Variants in R3HCC1L observed in about 807,000 individuals in gnomAD.
The protein encoded by R3HCC1L is coiled-coil domain-containing protein R3HCC1L.
R3HCC1L carries 51 observed loss-of-function variants against 59.9 expected under a neutral mutation model. The observed-to-expected ratio is 0.85, with a 90% CI of 0.68 to 1.07. R3HCC1L has a LOEUF of 1.07. Among genes scored for constraint, R3HCC1L ranks in the 50% least tolerant of loss-of-function variants. R3HCC1L has a pLI of 0.00. For synonymous variants in R3HCC1L, 322 were observed against 315.2 expected (o/e 1.02, Z -0.23); for missense variants, 965 against 933.0 (o/e 1.03, Z -0.45).
rs183701727 is a variant in R3HCC1L at position 98,198,225 on chromosome 10, A to G, written c.-14-9876A>G. Among the ~76,000 whole-genome samples, 426 of 152,260 alleles carry G rather than the reference A, an allele frequency of 2.8e-3. 1 individual carries two copies. The highest frequency in any genetic ancestry group is 6.8e-3 in the Middle Eastern group (2 of 294). ...TTTTTAAGAGGATGGCTAGAATTTAAAAGTGTATAATTATCTTAGTGCCCA... is the reference window on the plus strand; with the variant it reads ...TTTTTAAGAGGATGGCTAGAATTTAGAAGTGTATAATTATCTTAGTGCCCA... On this transcript the variant is annotated intron_variant, in intron 4 of 9. Coordinates refer to ENST00000298999, the MANE Select transcript of R3HCC1L (RefSeq NM_001351015.2).
At chr10:98,161,246 A>G (rs1341031645) in intron 2 of R3HCC1L, among the ~76,000 whole-genome samples, 2 of 152,126 alleles carry the variant, frequency 1.3e-5, no homozygotes, top group Non-Finnish European at 2.9e-5. Context: ...GTATCTCAAT[A>G]TAGTTTTAAT....
At chr10:98,162,058 A>G (rs951970436) in intron 2 of R3HCC1L, among the ~76,000 whole-genome samples, 1 of 152,084 alleles carries the variant, frequency 6.6e-6, no homozygotes, top group African/African-American at 2.4e-5. Context: ...GTCTTTCAGG[A>G]ATGTTTTAAA....
chr10:98,136,055 A>G (rs1004404222), intron 1 of R3HCC1L, among the ~76,000 whole-genome samples: 5 of 145,980 alleles, frequency 3.4e-5, no homozygotes, highest in Admixed American at 6.9e-5. Context: ...GGATTTCACT[A>G]TGTCGCCCAG....
chr10:98,182,319 C>A (rs140679345), intron 4 of R3HCC1L, among the ~76,000 whole-genome samples: 2 of 152,130 alleles, frequency 1.3e-5, no homozygotes, highest in Admixed American at 6.5e-5. Context: ...CGCTCTGGAC[C>A]CTGTTTGCCT....
chr10:98,208,375 A>G lies in R3HCC1L; in HGVS notation c.261A>G (p.Lys87=). The G allele has an allele frequency of 1.2e-6, 2 of 1,614,026 alleles. No homozygotes were observed. The highest frequency in any genetic ancestry group is 2.2e-5 in the East Asian group (1 of 44,878). The change falls in exon 5 of 10, where the codon AAA becomes AAG. Residue 87 remains lysine, a synonymous_variant. Coordinates refer to ENST00000298999, the MANE Select transcript of R3HCC1L (RefSeq NM_001351015.2). ...AGCATAATTGTAGAGAAGAAAAGAA[A>G]TCTTCAACAAAATTAAGAATGGACA... ...RKEHNCREEK[K]SSTKLRMDTC...
chr10:98,237,109 A>G (rs560383153), intron 9 of R3HCC1L, among the ~76,000 whole-genome samples: 1 of 152,326 alleles, frequency 6.6e-6, no homozygotes, highest in African/African-American at 2.4e-5. Context: ...AACCAGTGAC[A>G]GAGTGTGTCA....
chr10:98,147,999 A>G (rs1845820725), intron 1 of R3HCC1L, among the ~76,000 whole-genome samples: 5 of 152,256 alleles, frequency 3.3e-5, no homozygotes, highest in African/African-American at 9.6e-5. Flanking sequence ...TGCTTTGGGT[A>G]GTATTGTCAT....
chr10:98,226,600 A>G (rs1456141750), intron 5 of R3HCC1L, among the ~76,000 whole-genome samples: 1 of 152,222 alleles, frequency 6.6e-6, no homozygotes, highest in Non-Finnish European at 1.5e-5. Context: ...AATAATCAAA[A>G]GTGATTTTGA....
intron 2 of R3HCC1L, among the ~76,000 whole-genome samples, chr10:98,162,620 A>T (rs1013286077): frequency 6.6e-6 from 1 of 152,010 alleles, no homozygotes; most frequent in African/African-American, 2.4e-5. Flanking sequence ...TATCCCATGT[A>T]TTAAAACTGT....
chr10:98,188,738 T>C (rs1263821144), intron 4 of R3HCC1L, among the ~76,000 whole-genome samples: 1 of 152,116 alleles, frequency 6.6e-6, no homozygotes, highest in African/African-American at 2.4e-5. Flanking sequence ...AAGTGGGGAG[T>C]ACTAACCACA....
chr10:98,218,069 A>G (rs1854421948), intron 5 of R3HCC1L, among the ~76,000 whole-genome samples: 1 of 152,122 alleles, frequency 6.6e-6, no homozygotes, highest in African/African-American at 2.4e-5. Context: ...GTGAATGTGG[A>G]CATTGTTGTT....
intron 5 of R3HCC1L, among the ~76,000 whole-genome samples, chr10:98,224,838 A>G (rs1473551096): frequency 6.6e-6 from 1 of 152,212 alleles, no homozygotes; most frequent in Non-Finnish European, 1.5e-5. Flanking sequence ...TTGACTTTAT[A>G]GGAGGGATTG....
At chr10:98,224,872 G>T (rs1174040801) in intron 5 of R3HCC1L, among the ~76,000 whole-genome samples, 1 of 152,126 alleles carries the variant, frequency 6.6e-6, no homozygotes, top group Non-Finnish European at 1.5e-5. Flanking sequence ...GATTCTTAAG[G>T]TAAATGTTTC....
rs1468525502 is a variant in R3HCC1L at position 98,211,327 on chromosome 10, G to A, written c.1785+1428G>A. 13 of 1,531,814 alleles carry A rather than the reference G, an allele frequency of 8.5e-6. No individual in the cohort carries two copies. In the Admixed American group the frequency reaches 2.6e-4, roughly 30 times the overall value. 94.9% of individuals were successfully genotyped at this position (1,531,814 alleles called of 1,614,324 possible). On this transcript the variant is annotated intron_variant, in intron 5 of 9. Transcript: ENST00000298999. ...TTCAGGGGATTCTGATGCACATAAA[G>A]CCCGAGAACCACTGCTCAAAGGTAA...
chr10:98,218,032 C>T lies in R3HCC1L; in HGVS notation c.1785+8133C>T, dbSNP rs574765512. On this transcript the variant is annotated intron_variant, in intron 5 of 9. Coordinates refer to ENST00000298999, the MANE Select transcript of R3HCC1L (RefSeq NM_001351015.2). ...CTCTTTCCTGTTGCTCTGTCTAGGA[C>T]TTCAAGTACTACGATGAATAAGAGT... is the stretch of plus-strand genomic sequence containing the variant. Among the ~76,000 whole-genome samples the T allele has an allele frequency of 2.8e-3, 426 of 152,232 alleles. 2 individuals carry two copies. Among genetic ancestry groups the T allele is most frequent in the Non-Finnish European group, 5.0e-3 (337 of 67,998 alleles).
intron 5 of R3HCC1L, among the ~76,000 whole-genome samples, chr10:98,212,716 C>T (rs1026402075): frequency 1.3e-5 from 2 of 152,118 alleles, no homozygotes; most frequent in Non-Finnish European, 2.9e-5. Flanking sequence ...GCCCTACTGC[C>T]ATCTGTACTG....
chr10:98,187,923 T>G (rs1850401379), intron 4 of R3HCC1L, among the ~76,000 whole-genome samples: 1 of 151,894 alleles, frequency 6.6e-6, no homozygotes, highest in Admixed American at 6.6e-5. Flanking sequence ...AATTTTTTTT[T>G]GTACATATAG....
In R3HCC1L at chr10:98,163,283, T is replaced by A; in HGVS notation, c.-119-10T>A. 1.8e-6 allele frequency: 1 copy of A among 543,572 alleles called. No individual in the cohort carries two copies. Among genetic ancestry groups the A allele is most frequent in the Non-Finnish European group, 3.0e-6 (1 of 333,902 alleles). The allele number at this position is 543,572 out of a possible 1,614,324, so 33.7% of individuals were successfully genotyped here. On this transcript the variant is annotated splice_polypyrimidine_tract_variant and intron_variant, in intron 3 of 9. Transcript: ENST00000298999. Reference sequence around the variant, plus strand: ...TTTTATAAAAATAACTTATTATTACTATTTTTCAGGTGAGGCTGCTGTCAG... The same window carrying A: ...TTTTATAAAAATAACTTATTATTACAATTTTTCAGGTGAGGCTGCTGTCAG...
chr10:98,196,685 C>T (rs954139500), intron 4 of R3HCC1L, among the ~76,000 whole-genome samples: 4 of 152,148 alleles, frequency 2.6e-5, no homozygotes, highest in Non-Finnish European at 5.9e-5. Flanking sequence ...TTCTTATGAC[C>T]TCTGCTACCA....
Sources: gnomAD v4.1 joint callset for allele counts (sites outside exome capture counted in the v4.1 genomes callset) on GRCh38, gnomAD v4.1.1 for gene constraint, MANE v1.5 for transcripts, NCBI Gene and HGNC (gene_info 2026-07-23, HGNC 2026-07-21) for gene names.